Variants in COL6A6 observed in about 807,000 individuals in gnomAD.
COL6A6 encodes the protein collagen alpha-6(VI) chain.
A neutral mutation model predicts 208.6 loss-of-function variants in COL6A6; 183 were observed. The observed-to-expected ratio is 0.88, with a 90% CI of 0.78 to 0.99. COL6A6 has a LOEUF of 0.99. Among genes scored for constraint, COL6A6 ranks in the 50% least tolerant of loss-of-function variants. The pLI is 0.00. For missense variants in COL6A6, 2,816 were observed against 2,815.2 expected (o/e 1.00, Z -0.01); for synonymous variants, 973 against 1,011.8 (o/e 0.96, Z 0.73).
At chr3:130,529,554 T>G (rs893427344) in intron 1 of COL6A6, among the ~76,000 whole-genome samples, 3 of 152,198 alleles carry the variant, frequency 2.0e-5, no homozygotes, top group African/African-American at 4.8e-5. Flanking sequence ...TCTGGGCCTT[T>G]CCAGATACAT....
chr3:130,620,119 GTT>G (rs148183377), intron 23 of COL6A6, among the ~76,000 whole-genome samples: 6,334 of 150,006 alleles, frequency 0.042, 466 homozygotes, highest in African/African-American at 0.15. Flanking sequence ...GTTTTGTTTT[GTT>G]TTTTTTTGGC....
chr3:130,568,472 G>T lies in COL6A6; in HGVS notation c.2269G>T (p.Val757Leu), dbSNP rs752541892. 13 of 1,613,918 alleles carry T rather than the reference G, an allele frequency of 8.1e-6. No homozygotes were observed. The highest frequency in any genetic ancestry group is 1.0e-5 in the Non-Finnish European group (12 of 1,179,882). The part of the protein sequence containing the change: ...QEGVIIYSVG[V>L]FGSNVTQLEE... ...AGGTGTAATCATCTATTCTGTGGGA[G>T]TGTTTGGCTCCAATGTCACCCAGCT... Residue 757 changes from valine (V) to leucine (L), a missense_variant, in exon 6 of 37, where the codon GTG becomes TTG. By Grantham distance (32) the Val-to-Leu change is conservative. Coordinates refer to ENST00000358511, the MANE Select transcript of COL6A6 (RefSeq NM_001102608.3).
intron 1 of COL6A6, among the ~76,000 whole-genome samples, chr3:130,527,114 G>A (rs2061977839): frequency 6.6e-6 from 1 of 152,184 alleles, no homozygotes; most frequent in Non-Finnish European, 1.5e-5. Context: ...TGTGGGGAGG[G>A]AAGGGTTGCC....
intron 27 of COL6A6, 149 bp from the exon 28 acceptor site, chr3:130,635,550 G>A (rs2065086840): frequency 1.7e-6 from 1 of 584,182 alleles, no homozygotes; most frequent in South Asian, 2.3e-5. Context: ...TACACAAATG[G>A]AAACACACAC....
chr3:130,668,123 A>C (rs948139190), intron 36 of COL6A6, among the ~76,000 whole-genome samples: 9 of 151,978 alleles, frequency 5.9e-5, no homozygotes, highest in Admixed American at 3.3e-4. Context: ...CACAAAAAAA[A>C]CAGATTAAAC....
intron 1 of COL6A6, among the ~76,000 whole-genome samples, chr3:130,555,326 T>C (rs1027427773): frequency 2.6e-5 from 4 of 152,168 alleles, no homozygotes; most frequent in African/African-American, 4.8e-5. Flanking sequence ...GAACAAGACC[T>C]GGTGTGTGGT....
intron 1 of COL6A6, among the ~76,000 whole-genome samples, chr3:130,520,354 G>A (rs41526749): frequency 0.069 from 10,503 of 152,142 alleles, 846 homozygotes; most frequent in African/African-American, 0.19. Flanking sequence ...ACTAAAGGCC[G>A]ACCTTTCTAA....
At chr3:130,606,202 A>G (rs2064178083) in intron 20 of COL6A6, among the ~76,000 whole-genome samples, 1 of 152,204 alleles carries the variant, frequency 6.6e-6, no homozygotes. Flanking sequence ...ACATTACTGA[A>G]TGATCCTAGG....
chr3:130,540,614 G>A (rs1360795406), intron 1 of COL6A6, among the ~76,000 whole-genome samples: 1 of 152,086 alleles, frequency 6.6e-6, no homozygotes, highest in Non-Finnish European at 1.5e-5. Flanking sequence ...TAGGTATTAA[G>A]CCCAACATGC....
At chr3:130,517,615 T>G (rs191805643) in intron 1 of COL6A6, among the ~76,000 whole-genome samples, 1 of 152,370 alleles carries the variant, frequency 6.6e-6, no homozygotes, top group East Asian at 1.9e-4. Flanking sequence ...TTCTTTTAAT[T>G]TTTCGCATCC....
chr3:130,520,608 T>C (rs1166133249), intron 1 of COL6A6, among the ~76,000 whole-genome samples: 2 of 152,240 alleles, frequency 1.3e-5, no homozygotes, highest in African/African-American at 4.8e-5. Flanking sequence ...TAATATTTGG[T>C]AAGTGAAGGA....
chr3:130,537,674 C>T (rs1048022063), intron 1 of COL6A6, among the ~76,000 whole-genome samples: 2 of 152,182 alleles, frequency 1.3e-5, no homozygotes, highest in South Asian at 2.1e-4. Context: ...TCAAGAGTAC[C>T]AGTTAAACCT....
intron 31 of COL6A6, among the ~76,000 whole-genome samples, chr3:130,644,167 G>A (rs781247962): frequency 1.3e-5 from 2 of 152,198 alleles, no homozygotes; most frequent in African/African-American, 2.4e-5. Flanking sequence ...ATTAACTTTT[G>A]CATATTTTAT....
At chr3:130,621,705 G>T in intron 23 of COL6A6, 116 bp from the exon 24 acceptor site, 1 of 728,196 alleles carries the variant, frequency 1.4e-6, no homozygotes, top group Non-Finnish European at 2.2e-6. Flanking sequence ...AGCAAGGATC[G>T]ATACAGCCAT....
In COL6A6 at chr3:130,598,391, A is replaced by G. The variant is rs777811873; in HGVS notation, c.4560A>G (p.Ile1520Met). The G allele has an allele frequency of 1.1e-5, 17 of 1,551,912 alleles. No homozygotes were observed. The highest frequency in any genetic ancestry group is 1.7e-4 in the Middle Eastern group (1 of 5,996). Residue 1520 changes from isoleucine (I) to methionine (M), a missense_variant, in exon 19 of 37, where the codon ATA (isoleucine) becomes ATG (methionine). Physicochemically the swap from Ile to Met is conservative, Grantham distance 10. Transcript: ENST00000358511. The stretch of plus-strand genomic sequence containing the variant: ...GAGCTCCTGGAGTTGACAGTAGCAT[A>G]GAAGGACCCACAGGCTTGAAAGGAG... ...DPGAPGVDSS[I>M]EGPTGLKGER...
intron 23 of COL6A6, among the ~76,000 whole-genome samples, chr3:130,612,735 G>A (rs1019456973): frequency 1.3e-5 from 2 of 152,086 alleles, no homozygotes; most frequent in Non-Finnish European, 2.9e-5. Flanking sequence ...AGGGTGAGAG[G>A]TGGGTTACAA....
At chr3:130,664,889 G>A (rs892501927) in intron 35 of COL6A6, 114 bp from the exon 36 acceptor site, 12 of 674,040 alleles carry the variant, frequency 1.8e-5, no homozygotes, top group African/African-American at 1.1e-4. Flanking sequence ...ACCTTAGTTG[G>A]TATTTTTCTT....
At position 130,649,397 on chromosome 3, in the gene COL6A6, G is replaced by A. The variant is rs1450204679; in HGVS notation, c.5568G>A (p.Arg1856=). 3 of 1,612,860 alleles carry A rather than the reference G, an allele frequency of 1.9e-6. No homozygotes were observed. Among genetic ancestry groups the A allele is most frequent in the African/African-American group, 2.7e-5 (2 of 74,914 alleles). The part of the protein sequence containing the change: ...MRFISRNVFK[R]TLPGAHTRKI... The stretch of plus-strand genomic sequence containing the variant: ...TTATTTCCAGGAATGTCTTCAAGCG[G>A]ACGCTTCCGGGGGCACACACGAGAA... The change falls in exon 33 of 37, where the codon CGG becomes CGA. Residue 1856 remains arginine, a synonymous_variant. Coordinates refer to ENST00000358511, the MANE Select transcript of COL6A6 (RefSeq NM_001102608.3).
intron 1 of COL6A6, among the ~76,000 whole-genome samples, chr3:130,546,693 C>CT (rs1227656951): frequency 6.6e-6 from 1 of 152,158 alleles, no homozygotes; most frequent in African/African-American, 2.4e-5. Context: ...TTCTCCAAGT[C>CT]GTCACCAGAT....
Sources: allele counts gnomAD v4.1 joint callset (sites outside exome capture counted in the v4.1 genomes callset), GRCh38; gene constraint gnomAD v4.1.1; transcripts MANE v1.5; gene names NCBI Gene and HGNC (gene_info 2026-07-23, HGNC 2026-07-21).